TSHZ2: variants seen among roughly 807,000 people sequenced by gnomAD.
The protein encoded by TSHZ2 is teashirt zinc finger homeobox 2, also known as teashirt homolog 2.
In TSHZ2, 21 loss-of-function variants were observed where a neutral mutation model predicts 74.4. The observed-to-expected ratio is 0.28, with a 90% CI of 0.20 to 0.41. The LOEUF (loss-of-function observed/expected upper bound fraction) is 0.41, where lower values mean the gene tolerates loss of function less well. TSHZ2 is among the 10% of genes least tolerant of loss of function. TSHZ2 has a pLI of 1.00. For missense variants in TSHZ2, 1,244 were observed against 1,293.5 expected (o/e 0.96, Z 0.59); for synonymous variants, 540 against 515.3 (o/e 1.05, Z -0.65).
In TSHZ2 at chr20:53,469,882, A is replaced by G. The variant is rs1985739532; in HGVS notation, c.*9-17262A>G. ...GAAGGAAGGACCCAAGAAAGAAAAAAAAGAGAGAGAGGAAAGGAGGAAGGA... is the reference window on the plus strand; with the variant it reads ...GAAGGAAGGACCCAAGAAAGAAAAAGAAGAGAGAGAGGAAAGGAGGAAGGA... On this transcript the variant is annotated intron_variant, in intron 2 of 2. Coordinates refer to ENST00000371497, the MANE Select transcript of TSHZ2 (RefSeq NM_173485.6). Among the ~76,000 whole-genome samples the G allele has an allele frequency of 1.5e-5, 2 of 136,704 alleles. 1 individual carries two copies. The highest frequency in any genetic ancestry group is 3.2e-5 in the Non-Finnish European group (2 of 62,766). The allele number at this position is 136,704 out of a possible 152,430, so 89.7% of individuals were successfully genotyped here.
chr20:53,135,122 G>A (rs1987213099), intron 1 of TSHZ2, among the ~76,000 whole-genome samples: 1 of 152,060 alleles, frequency 6.6e-6, no homozygotes, highest in Non-Finnish European at 1.5e-5. Context: ...TCAAATTTGT[G>A]TCTGGTTGCT....
chr20:53,124,780 A>G (rs377172287), intron 1 of TSHZ2, among the ~76,000 whole-genome samples: 4 of 152,334 alleles, frequency 2.6e-5, no homozygotes, highest in South Asian at 4.1e-4. Context: ...GATTTAGGTG[A>G]CTTCTTTCCC....
intron 1 of TSHZ2, among the ~76,000 whole-genome samples, chr20:53,234,369 A>G (rs1217967367): frequency 6.6e-6 from 1 of 152,236 alleles, no homozygotes; most frequent in Non-Finnish European, 1.5e-5. Flanking sequence ...CTTACCAAGC[A>G]CCATGCACAG....
intron 2 of TSHZ2, among the ~76,000 whole-genome samples, chr20:53,479,237 C>T (rs1375643873): frequency 6.6e-6 from 1 of 151,440 alleles, no homozygotes; most frequent in African/African-American, 2.4e-5. Flanking sequence ...TTCTCAAACT[C>T]GAGCATGTAC....
intron 1 of TSHZ2, among the ~76,000 whole-genome samples, chr20:53,052,538 G>A (rs113698971): frequency 1.3e-5 from 2 of 152,084 alleles, no homozygotes; most frequent in Non-Finnish European, 2.9e-5. Flanking sequence ...TGTCTTCCAC[G>A]AAACCAGTCC....
chr20:53,184,620 C>T (rs1452453922), intron 1 of TSHZ2, among the ~76,000 whole-genome samples: 1 of 152,194 alleles, frequency 6.6e-6, no homozygotes, highest in Non-Finnish European at 1.5e-5. Flanking sequence ...AAACACAAGA[C>T]TGTAATAGAC....
intron 1 of TSHZ2, among the ~76,000 whole-genome samples, chr20:53,233,583 A>C (rs755333827): frequency 9.8e-5 from 15 of 152,332 alleles, no homozygotes; most frequent in Non-Finnish European, 1.9e-4. Context: ...AGATGAGGAA[A>C]CTGAGACTTG....
At chr20:53,192,811 A>G (rs73148619) in intron 1 of TSHZ2, among the ~76,000 whole-genome samples, 6,795 of 152,284 alleles carry the variant, frequency 0.045, 488 homozygotes, top group East Asian at 0.35. Flanking sequence ...GATTTTCATC[A>G]TTGGGCAATT....
chr20:53,474,603 C>T (rs1278548439), intron 2 of TSHZ2, among the ~76,000 whole-genome samples: 13 of 132,410 alleles, frequency 9.8e-5, no homozygotes, highest in Admixed American at 2.4e-4. Flanking sequence ...CATCAACTAA[C>T]GAGCAAAATC....
chr20:53,230,940 T>C (rs563138609), intron 1 of TSHZ2, among the ~76,000 whole-genome samples: 48 of 151,614 alleles, frequency 3.2e-4, no homozygotes, highest in African/African-American at 1.1e-3. Context: ...GCCCTGAAGA[T>C]TAAAATTAAA....
At chr20:53,171,106 T>C (rs2042720800) in intron 1 of TSHZ2, among the ~76,000 whole-genome samples, 1 of 152,196 alleles carries the variant, frequency 6.6e-6, no homozygotes, top group African/African-American at 2.4e-5. Context: ...AACATTCAGC[T>C]TTGCTTTTAT....
chr20:53,455,892 A>G (rs1449221208), intron 2 of TSHZ2, among the ~76,000 whole-genome samples: 1 of 152,012 alleles, frequency 6.6e-6, no homozygotes, highest in Non-Finnish European at 1.5e-5. Context: ...ACATGAACTC[A>G]TCATTTTTTA....
intron 2 of TSHZ2, among the ~76,000 whole-genome samples, chr20:53,427,014 C>T (rs1983680834): frequency 6.6e-6 from 1 of 152,204 alleles, no homozygotes; most frequent in African/African-American, 2.4e-5. Context: ...GGGGTCAGAT[C>T]TTCACTTTCT....
At chr20:53,392,431 G>A (rs1384024709) in intron 2 of TSHZ2, among the ~76,000 whole-genome samples, 1 of 152,074 alleles carries the variant, frequency 6.6e-6, no homozygotes, top group African/African-American at 2.4e-5. Flanking sequence ...GCAACAGAGC[G>A]AGACTCTGTC....
chr20:53,369,679 C>A (rs1981397697), intron 2 of TSHZ2, among the ~76,000 whole-genome samples: 1 of 152,076 alleles, frequency 6.6e-6, no homozygotes, highest in Admixed American at 6.5e-5. Context: ...CTACTGCACC[C>A]CAGCCTGGGT....
chr20:53,204,083 A>C (rs1189873864), intron 1 of TSHZ2, among the ~76,000 whole-genome samples: 1 of 119,610 alleles, frequency 8.4e-6, no homozygotes, highest in African/African-American at 2.8e-5. Context: ...GATACTATTT[A>C]TATCATCATA....
At chr20:53,360,175 G>A (rs1050269144) in intron 2 of TSHZ2, among the ~76,000 whole-genome samples, 1 of 152,200 alleles carries the variant, frequency 6.6e-6, no homozygotes, top group African/African-American at 2.4e-5. Flanking sequence ...AGGGGGAAAT[G>A]ATACACTTTG....
At chr20:53,338,773 G>A (rs1980060404) in intron 2 of TSHZ2, among the ~76,000 whole-genome samples, 1 of 152,210 alleles carries the variant, frequency 6.6e-6, no homozygotes, top group Admixed American at 6.5e-5. Context: ...CAAATGTCAG[G>A]AGTACTCAGC....
chr20:53,323,092 T>C (rs1039054402), intron 2 of TSHZ2, among the ~76,000 whole-genome samples: 3 of 152,228 alleles, frequency 2.0e-5, no homozygotes, highest in Non-Finnish European at 4.4e-5. Flanking sequence ...TCGGTCACCC[T>C]GCTCCAGATC....
Sources: gnomAD v4.1 joint callset for allele counts (sites outside exome capture counted in the v4.1 genomes callset) on GRCh38, gnomAD v4.1.1 for gene constraint, MANE v1.5 for transcripts, NCBI Gene and HGNC (gene_info 2026-07-23, HGNC 2026-07-21) for gene names.